The following NOX4 variants were observed in gnomAD, a reference collection of about 807,000 sequenced individuals.
The protein encoded by NOX4 is NADPH oxidase 4.
A neutral mutation model predicts 87.6 loss-of-function variants in NOX4; 69 were observed. That is an observed-to-expected ratio of 0.79 (90% CI 0.65 to 0.96). NOX4 has a LOEUF of 0.96. Among genes scored for constraint, NOX4 ranks in the 40% least tolerant of loss-of-function variants. The pLI is 0.00. For synonymous variants in NOX4, 275 were observed against 238.2 expected (o/e 1.15, Z -1.42); for missense variants, 680 against 681.5 (o/e 1.00, Z 0.02).
the NOX4 span, among the ~76,000 whole-genome samples, chr11:89,542,252 G>A: frequency 6.6e-6 from 1 of 152,110 alleles, no homozygotes; most frequent in Non-Finnish European, 1.5e-5. Flanking sequence ...CCTAATTATT[G>A]TCTAAGAATG....
chr11:89,497,176 C>G (rs1446658264), upstream of NOX4, among the ~76,000 whole-genome samples: 2 of 152,172 alleles, frequency 1.3e-5, no homozygotes, highest in Non-Finnish European at 2.9e-5. Flanking sequence ...TGCACACTCT[C>G]CAAAGACTGT....
At chr11:89,532,038 G>T in the NOX4 span, among the ~76,000 whole-genome samples, 3 of 152,212 alleles carry the variant, frequency 2.0e-5, no homozygotes, top group Non-Finnish European at 4.4e-5. Context: ...CTAGATTTCA[G>T]AGGATACATG....
chr11:89,327,593 C>T (rs1945273851), intron 17 of NOX4, among the ~76,000 whole-genome samples: 1 of 152,040 alleles, frequency 6.6e-6, no homozygotes, highest in Admixed American at 6.6e-5. Flanking sequence ...TTCAAATTGA[C>T]CTTCTTCCCA....
chr11:89,373,901 C>A (rs1435358100), intron 11 of NOX4, among the ~76,000 whole-genome samples: 1 of 151,874 alleles, frequency 6.6e-6, no homozygotes, highest in Non-Finnish European at 1.5e-5. Context: ...CTAACAAATT[C>A]CAGGGAGAAA....
At chr11:89,497,575 C>T (rs754623638) in intron 1 of NOX4, among the ~76,000 whole-genome samples, 25 of 152,220 alleles carry the variant, frequency 1.6e-4, no homozygotes, top group Non-Finnish European at 3.2e-4. Flanking sequence ...TTTCTCAGCT[C>T]ATTGAGCTCA....
intron 2 of NOX4, among the ~76,000 whole-genome samples, chr11:89,462,751 C>T (rs1485351700): frequency 6.6e-6 from 1 of 151,942 alleles, no homozygotes; most frequent in Non-Finnish European, 1.5e-5. Flanking sequence ...TTTAATAGAA[C>T]ATAATATATT....
intron 2 of NOX4, 112 bp downstream of exon 2, chr11:89,490,346 T>G: frequency 2.7e-6 from 2 of 730,788 alleles, no homozygotes; most frequent in South Asian, 3.3e-5. Context: ...CAACAAAGGT[T>G]TTCAAAGTGA....
the NOX4 span, among the ~76,000 whole-genome samples, chr11:89,581,321 C>T: frequency 6.6e-6 from 1 of 152,280 alleles, no homozygotes; most frequent in Admixed American, 6.5e-5. Flanking sequence ...TACCTTACTG[C>T]ATTACACTTT....
intron 8 of NOX4, among the ~76,000 whole-genome samples, chr11:89,410,414 T>C (rs1942412677): frequency 6.6e-6 from 1 of 152,224 alleles, no homozygotes; most frequent in South Asian, 2.1e-4. Flanking sequence ...ATTAATGCAA[T>C]TCAGCTTCAT....
At chr11:89,539,183 C>A in the NOX4 span, among the ~76,000 whole-genome samples, 1 of 152,084 alleles carries the variant, frequency 6.6e-6, no homozygotes, top group African/African-American at 2.4e-5. Context: ...CCTGTAATCC[C>A]AGCACTTTGG....
chr11:89,561,633 T>C, the NOX4 span, among the ~76,000 whole-genome samples: 2 of 152,204 alleles, frequency 1.3e-5, no homozygotes, highest in African/African-American at 2.4e-5. Flanking sequence ...TATAGGAATA[T>C]TATTTACTAA....
intron 11 of NOX4, among the ~76,000 whole-genome samples, chr11:89,391,592 C>T (rs915229166): frequency 6.6e-6 from 1 of 151,726 alleles, no homozygotes; most frequent in East Asian, 1.9e-4. Flanking sequence ...CCTATCTCTA[C>T]ACAATTTTTT....
At chr11:89,559,064 C>A in the NOX4 span, among the ~76,000 whole-genome samples, 5 of 151,934 alleles carry the variant, frequency 3.3e-5, no homozygotes, top group African/African-American at 1.2e-4. Flanking sequence ...TTTGATTTTC[C>A]ATTTGATCCT....
chr11:89,493,943 C>T (rs1247273849), upstream of NOX4, among the ~76,000 whole-genome samples: 2 of 151,962 alleles, frequency 1.3e-5, no homozygotes, highest in East Asian at 1.9e-4. Context: ...TTAGTAGAGA[C>T]GGGGTTTCAC....
intron 8 of NOX4, among the ~76,000 whole-genome samples, chr11:89,403,649 G>A (rs953693430): frequency 1.2e-4 from 19 of 152,142 alleles, no homozygotes; most frequent in Non-Finnish European, 2.4e-4. Context: ...GGCTGAGGCA[G>A]GAGAATTGCT....
chr11:89,519,864 C>A, the NOX4 span, among the ~76,000 whole-genome samples: 1 of 152,034 alleles, frequency 6.6e-6, no homozygotes, highest in Non-Finnish European at 1.5e-5. Context: ...TGACCTAACT[C>A]TTTTCTGCTA....
intron 7 of NOX4, among the ~76,000 whole-genome samples, chr11:89,431,806 A>T (rs1449923728): frequency 6.6e-6 from 1 of 152,164 alleles, no homozygotes; most frequent in Non-Finnish European, 1.5e-5. Flanking sequence ...TTCCTCAGGG[A>T]TCTAGAACTA....
In NOX4 at chr11:89,491,259, G is replaced by C; in HGVS notation, c.-13C>G. The C allele has an allele frequency of 6.2e-7, 1 of 1,611,246 alleles. No homozygotes were observed. Among genetic ancestry groups the C allele is most frequent in the Non-Finnish European group, 8.5e-7 (1 of 1,178,742 alleles). ...AGGACACAGCCATGCCGCCGGCCCC[G>C]CCGCGCTGCGCTCTGTGCCCGCCGG... On this transcript the variant is annotated 5_prime_UTR_variant, in exon 1 of 18. Transcript: ENST00000263317.
At chr11:89,550,578 G>A in the NOX4 span, among the ~76,000 whole-genome samples, 21 of 152,166 alleles carry the variant, frequency 1.4e-4, no homozygotes, top group African/African-American at 5.1e-4. Context: ...ATGTTTCTTG[G>A]CCACATAAAT....
Sources: gnomAD v4.1 joint callset for allele counts (sites outside exome capture counted in the v4.1 genomes callset) on GRCh38, gnomAD v4.1.1 for gene constraint, MANE v1.5 for transcripts, NCBI Gene and HGNC (gene_info 2026-07-23, HGNC 2026-07-21) for gene names.